Variants in PAX3 observed in about 807,000 individuals in gnomAD.
PAX3 encodes paired box 3, also known as paired box protein Pax-3.
A neutral mutation model predicts 51.6 loss-of-function variants in PAX3; 14 were observed. That is an observed-to-expected ratio of 0.27 (90% CI 0.18 to 0.42). The LOEUF (loss-of-function observed/expected upper bound fraction) is 0.42. Among genes scored for constraint, PAX3 ranks in the 10% least tolerant of loss-of-function variants. The pLI is 1.00. For synonymous variants in PAX3, 280 were observed against 253.4 expected (o/e 1.11, Z -1.00); for missense variants, 540 against 642.8 (o/e 0.84, Z 1.73).
At chr2:222,231,988 G>C in intron 5 of PAX3, 90 bp downstream of exon 5, 1 of 1,144,074 alleles carries the variant, frequency 8.7e-7, no homozygotes, top group Admixed American at 1.7e-5. Context: ...ATACATTTTT[G>C]GGGGGGATTG....
chr2:222,295,762 T>C (rs1695263083), intron 2 of PAX3, 105 bp from the exon 3 acceptor site: 9 of 1,327,932 alleles, frequency 6.8e-6, no homozygotes, highest in Non-Finnish European at 9.8e-6. Context: ...CTGAATCCTC[T>C]GGGACGGTCC....
intron 4 of PAX3, among the ~76,000 whole-genome samples, chr2:222,267,502 TAA>T (rs1160912271): frequency 6.6e-6 from 1 of 152,246 alleles, no homozygotes; most frequent in African/African-American, 2.4e-5. Context: ...ATTCTTTCTG[TAA>T]GTGGAAGAGA....
chr2:222,286,220 G>A (rs1333216986), intron 4 of PAX3, among the ~76,000 whole-genome samples: 2 of 152,252 alleles, frequency 1.3e-5, no homozygotes, highest in African/African-American at 4.8e-5. Flanking sequence ...TTACAGGCGT[G>A]AGCCACCGCG....
intron 4 of PAX3, among the ~76,000 whole-genome samples, chr2:222,265,684 AAGGAAGG>A (rs1694028698): frequency 9.2e-6 from 1 of 109,048 alleles, no homozygotes; most frequent in Non-Finnish European, 2.1e-5. Flanking sequence ...GGAAGGAAGG[AAGGAAGG>A]GAGAAAGATT....
chr2:222,205,014 A>C (rs1416101788), intron 7 of PAX3, among the ~76,000 whole-genome samples: 1 of 152,184 alleles, frequency 6.6e-6, no homozygotes, highest in African/African-American at 2.4e-5. Context: ...GAAGGCAGCA[A>C]TAACTAATTA....
chr2:222,259,755 A>G (rs1413200482), intron 4 of PAX3, among the ~76,000 whole-genome samples: 1 of 152,238 alleles, frequency 6.6e-6, no homozygotes, highest in Non-Finnish European at 1.5e-5. Context: ...AGACATAGAT[A>G]AGAATTTGCT....
intron 4 of PAX3, among the ~76,000 whole-genome samples, chr2:222,292,948 T>G (rs942840979): frequency 4.6e-5 from 7 of 152,222 alleles, no homozygotes; most frequent in African/African-American, 7.2e-5. Flanking sequence ...TCCTTCCAGG[T>G]TGTGTGCAGA....
intron 4 of PAX3, among the ~76,000 whole-genome samples, chr2:222,275,050 T>C (rs1256793914): frequency 1.3e-5 from 2 of 152,166 alleles, no homozygotes; most frequent in Non-Finnish European, 2.9e-5. Context: ...GATTTCTTCT[T>C]TAATCTAAAG....
intron 4 of PAX3, among the ~76,000 whole-genome samples, chr2:222,279,818 T>G (rs916882304): frequency 6.6e-6 from 1 of 152,094 alleles, no homozygotes; most frequent in Admixed American, 6.6e-5. Flanking sequence ...CCAACAAAGA[T>G]TCAGAAAAAA....
At chr2:222,201,899 T>C in intron 8 of PAX3, 45 bp downstream of exon 8, 2 of 1,613,990 alleles carry the variant, frequency 1.2e-6, no homozygotes, top group Non-Finnish European at 1.7e-6. Flanking sequence ...GTTGAGTTTA[T>C]CTCCCTTCCA....
At chr2:222,289,389 G>T (rs1210188841) in intron 4 of PAX3, among the ~76,000 whole-genome samples, 3 of 152,018 alleles carry the variant, frequency 2.0e-5, no homozygotes, top group African/African-American at 7.3e-5. Context: ...GAAGCCATTC[G>T]GATTTAGCGG....
chr2:222,230,903 A>T (rs1692569339), intron 5 of PAX3, among the ~76,000 whole-genome samples: 1 of 149,896 alleles, frequency 6.7e-6, no homozygotes, highest in Non-Finnish European at 1.5e-5. Context: ...CTCAACTCCC[A>T]TTGCACTTTT....
intron 7 of PAX3, among the ~76,000 whole-genome samples, chr2:222,215,588 G>C (rs943537605): frequency 3.9e-5 from 6 of 152,062 alleles, no homozygotes; most frequent in Non-Finnish European, 1.5e-5. Flanking sequence ...GAACAGTCAG[G>C]GTAGTATTTC....
intron 4 of PAX3, among the ~76,000 whole-genome samples, chr2:222,251,455 T>C (rs1239128380): frequency 6.6e-6 from 1 of 152,204 alleles, no homozygotes; most frequent in Non-Finnish European, 1.5e-5. Context: ...TATGGCTGCA[T>C]TACTATGCAT....
intron 5 of PAX3, among the ~76,000 whole-genome samples, chr2:222,222,789 T>G (rs1191881289): frequency 6.6e-6 from 1 of 152,208 alleles, no homozygotes; most frequent in Non-Finnish European, 1.5e-5. Flanking sequence ...CTTGTCCTCA[T>G]GGGATTCACA....
chr2:222,237,270 G>T (rs1292081239), intron 4 of PAX3, among the ~76,000 whole-genome samples: 1 of 151,442 alleles, frequency 6.6e-6, no homozygotes, highest in Non-Finnish European at 1.5e-5. Flanking sequence ...GGACATGCTT[G>T]CTGGCTTGCT....
chr2:222,201,032 A>AAT lies in PAX3; in HGVS notation c.*374_*375dup. 1 of 859,366 alleles carries AAT rather than the reference A, an allele frequency of 1.2e-6. No homozygotes were observed. The highest frequency in any genetic ancestry group is 1.6e-5 in the South Asian group (1 of 62,414). The allele number at this position is 859,366 out of a possible 1,614,324, so 53.2% of individuals were successfully genotyped here. ...GCCCAAACCAGTCTGGGTAAATCTC[A>AAT]ATACACACACACACACACACACGCA... On this transcript the variant is annotated 3_prime_UTR_variant, in exon 9 of 9. Transcript: ENST00000392070.
At chr2:222,241,893 G>A (rs2106111548) in intron 4 of PAX3, among the ~76,000 whole-genome samples, 1 of 152,312 alleles carries the variant, frequency 6.6e-6, no homozygotes, top group East Asian at 1.9e-4. Context: ...ATAAGATCAT[G>A]TTCCCTGTAG....
chr2:222,225,948 G>A (rs1323554005), intron 5 of PAX3, among the ~76,000 whole-genome samples: 1 of 152,166 alleles, frequency 6.6e-6, no homozygotes, highest in African/African-American at 2.4e-5. Context: ...TTGAAAGCCG[G>A]TTTGACTTGA....
Sources: allele counts gnomAD v4.1 joint callset (sites outside exome capture counted in the v4.1 genomes callset), GRCh38; gene constraint gnomAD v4.1.1; transcripts MANE v1.5; gene names NCBI Gene and HGNC (gene_info 2026-07-23, HGNC 2026-07-21).